The following CNTN4 variants were observed in gnomAD, a reference collection of about 807,000 sequenced individuals.
CNTN4 encodes contactin 4, also known as contactin-4.
CNTN4 carries 77 observed loss-of-function variants against 122.5 expected under a neutral mutation model. That is an observed-to-expected ratio of 0.63 (90% CI 0.52 to 0.76). CNTN4 has a LOEUF of 0.76. CNTN4 is among the 30% of genes least tolerant of loss of function. The pLI is 0.00. For missense variants in CNTN4, 1,256 were observed against 1,259.1 expected (o/e 1.00, Z 0.04); for synonymous variants, 512 against 447.0 (o/e 1.15, Z -1.83).
chr3:2,871,739 T>C (rs1361748799), intron 8 of CNTN4, among the ~76,000 whole-genome samples: 1 of 152,196 alleles, frequency 6.6e-6, no homozygotes, highest in African/African-American at 2.4e-5. Context: ...AAAGGCTGTT[T>C]GGGCTCTAGA....
chr3:2,129,338 T>C (rs953158562), intron 2 of CNTN4, among the ~76,000 whole-genome samples: 4 of 150,510 alleles, frequency 2.7e-5, no homozygotes, highest in Non-Finnish European at 4.4e-5. Flanking sequence ...CTATTTGTAA[T>C]GAGAAACAAA....
intron 6 of CNTN4, among the ~76,000 whole-genome samples, chr3:2,770,117 A>G (rs1259100359): frequency 6.6e-6 from 1 of 150,644 alleles, no homozygotes; most frequent in Non-Finnish European, 1.5e-5. Context: ...GCAACCTCCA[A>G]CTCCCTGGTT....
chr3:2,400,428 CATAT>C (rs58112641), intron 3 of CNTN4, among the ~76,000 whole-genome samples: 78 of 95,806 alleles, frequency 8.1e-4, no homozygotes, highest in African/African-American at 1.8e-3. Flanking sequence ...TATATATATA[CATAT>C]ATATATATAT....
intron 13 of CNTN4, among the ~76,000 whole-genome samples, chr3:2,965,615 A>C (rs943995128): frequency 1.3e-5 from 2 of 152,046 alleles, no homozygotes; most frequent in African/African-American, 4.8e-5. Flanking sequence ...ATCTAAATTG[A>C]TTTTCCTCAT....
intron 4 of CNTN4, among the ~76,000 whole-genome samples, chr3:2,706,841 A>G (rs894999456): frequency 1.3e-5 from 2 of 152,186 alleles, no homozygotes; most frequent in Non-Finnish European, 1.5e-5. Context: ...GACCTTGGAC[A>G]AGTCTCTTAA....
chr3:2,709,871 G>T lies in CNTN4; in HGVS notation c.56-26344G>T, dbSNP rs1329998266. Among the ~76,000 whole-genome samples the T allele has an allele frequency of 6.6e-6, 1 of 152,064 alleles. No individual in the cohort carries two copies. The highest frequency in any genetic ancestry group is 1.9e-4 in the East Asian group (1 of 5,176). ...GCTGAGACTGCGCCACTGCACTCCAGCCTGGGTGACAGGGCAAGACCCTGT... is the reference window on the plus strand; with the variant it reads ...GCTGAGACTGCGCCACTGCACTCCATCCTGGGTGACAGGGCAAGACCCTGT... On this transcript the variant is annotated intron_variant, in intron 4 of 24. Coordinates refer to ENST00000418658, the MANE Select transcript of CNTN4 (RefSeq NM_175607.3). The surrounding 1 kb of genome is among the most constrained non-coding windows in gnomAD (Gnocchi z 5.0).
chr3:2,666,077 C>T (rs991912365), intron 4 of CNTN4, among the ~76,000 whole-genome samples: 2 of 152,188 alleles, frequency 1.3e-5, no homozygotes, highest in African/African-American at 4.8e-5. Context: ...ACGCAGCATG[C>T]AGGTTCACCT....
intron 3 of CNTN4, among the ~76,000 whole-genome samples, chr3:2,535,254 C>A (rs571358997): frequency 6.6e-6 from 1 of 152,168 alleles, no homozygotes; most frequent in Admixed American, 6.6e-5. Flanking sequence ...ATACTTGATC[C>A]TCCCCCTTTT....
intron 24 of CNTN4, among the ~76,000 whole-genome samples, chr3:3,054,523 ATTC>A (rs1701603461): frequency 6.6e-6 from 1 of 152,268 alleles, no homozygotes; most frequent in African/African-American, 2.4e-5. Flanking sequence ...AGAATAGCAT[ATTC>A]TTTTTGAGCA....
chr3:2,938,226 G>C (rs150121005), intron 13 of CNTN4, among the ~76,000 whole-genome samples: 1 of 151,992 alleles, frequency 6.6e-6, no homozygotes, highest in African/African-American at 2.4e-5. Context: ...TATTACTTTG[G>C]CTCTAGTCCT....
intron 15 of CNTN4, among the ~76,000 whole-genome samples, chr3:3,029,828 AAT>A (rs1345934190): frequency 2.0e-5 from 3 of 152,160 alleles, no homozygotes; most frequent in Non-Finnish European, 4.4e-5. Flanking sequence ...TAGTGAGTTT[AAT>A]ATAGGTAAAG....
chr3:2,471,372 C>G (rs2075676699), intron 3 of CNTN4, among the ~76,000 whole-genome samples: 1 of 152,128 alleles, frequency 6.6e-6, no homozygotes, highest in African/African-American at 2.4e-5. Flanking sequence ...AAGCATTTAT[C>G]TATGGAAAGG....
intron 6 of CNTN4, among the ~76,000 whole-genome samples, chr3:2,815,192 C>T (rs1361034038): frequency 6.6e-6 from 1 of 152,106 alleles, no homozygotes; most frequent in Non-Finnish European, 1.5e-5. Context: ...GATTTCATGA[C>T]CAAGAGAACC....
chr3:2,883,945 A>G (rs2093940342), intron 9 of CNTN4, among the ~76,000 whole-genome samples: 1 of 152,236 alleles, frequency 6.6e-6, no homozygotes, highest in African/African-American at 2.4e-5. Context: ...TGGCATAAAC[A>G]GTATAAACTA....
chr3:2,157,119 C>G (rs2035756075), intron 2 of CNTN4, among the ~76,000 whole-genome samples: 1 of 152,036 alleles, frequency 6.6e-6, no homozygotes, highest in Non-Finnish European at 1.5e-5. Flanking sequence ...AGTTCTGGTT[C>G]CTGTTCTGAA....
chr3:2,725,441 G>A (rs2088158337), intron 4 of CNTN4, among the ~76,000 whole-genome samples: 1 of 152,146 alleles, frequency 6.6e-6, no homozygotes, highest in South Asian at 2.1e-4. Flanking sequence ...ATACACAAAT[G>A]CATATTGAAG....
At chr3:2,537,779 A>G (rs939573076) in intron 3 of CNTN4, among the ~76,000 whole-genome samples, 3 of 152,028 alleles carry the variant, frequency 2.0e-5, no homozygotes, top group Non-Finnish European at 4.4e-5. Flanking sequence ...CCACATATCC[A>G]CCCATCATAA....
At chr3:2,487,680 A>C (rs1321118495) in intron 3 of CNTN4, among the ~76,000 whole-genome samples, 1 of 152,218 alleles carries the variant, frequency 6.6e-6, no homozygotes, top group African/African-American at 2.4e-5. Context: ...AGAAAGTTTA[A>C]AAGCCTTTGG....
At chr3:2,729,298 C>T (rs147954576) in intron 4 of CNTN4, among the ~76,000 whole-genome samples, 2,712 of 152,160 alleles carry the variant, frequency 0.018, 31 homozygotes, top group East Asian at 0.05. Flanking sequence ...GGCGCGGTGG[C>T]TCACGCCTGT....
Sources: gnomAD v4.1 joint callset for allele counts (sites outside exome capture counted in the v4.1 genomes callset) on GRCh38, gnomAD v4.1.1 for gene constraint, Gnocchi (gnomAD v3.1) non-coding constraint, MANE v1.5 for transcripts, NCBI Gene and HGNC (gene_info 2026-07-23, HGNC 2026-07-21) for gene names.